Variants in CFAP299 observed in about 807,000 individuals in gnomAD.
CFAP299 encodes the protein cilia- and flagella-associated protein 299.
CFAP299 carries 21 observed loss-of-function variants against 27.0 expected under a neutral mutation model. That is an observed-to-expected ratio of 0.78 (90% confidence interval 0.55 to 1.12). The LOEUF is 1.12. Ranked by LOEUF, CFAP299 falls within the 50% of genes most tolerant of loss-of-function variation. The probability of loss-of-function intolerance (pLI) is 0.00; values close to 1 mark genes in which losing one functional copy is unlikely to be tolerated. For missense variants in CFAP299, 310 were observed against 276.6 expected (o/e 1.12, Z -0.86); for synonymous variants, 104 against 98.1 (o/e 1.06, Z -0.36).
chr4:80,863,424 C>T (rs1732504661), intron 3 of CFAP299, among the ~76,000 whole-genome samples: 1 of 152,114 alleles, frequency 6.6e-6, no homozygotes, highest in African/African-American at 2.4e-5. Flanking sequence ...TACTCTAATT[C>T]ATCTTTTTCC....
the CFAP299 span, among the ~76,000 whole-genome samples, chr4:80,329,291 T>C: frequency 9.3e-4 from 141 of 151,274 alleles, 1 homozygote; most frequent in African/African-American, 3.3e-3. Context: ...ATATCTCCAA[T>C]TTACTTAGTT....
chr4:80,414,569 G>T (rs1726907109), intron 2 of CFAP299, among the ~76,000 whole-genome samples: 1 of 152,166 alleles, frequency 6.6e-6, no homozygotes, highest in Non-Finnish European at 1.5e-5. Flanking sequence ...GATTTTCAAA[G>T]CGTTTTGTTG....
At chr4:80,806,402 T>C (rs964871387) in intron 3 of CFAP299, among the ~76,000 whole-genome samples, 2 of 152,188 alleles carry the variant, frequency 1.3e-5, no homozygotes, top group African/African-American at 4.8e-5. Context: ...CTTGGAGAGC[T>C]TGACAGTCAA....
chr4:80,662,503 G>A (rs1740905942), intron 3 of CFAP299, among the ~76,000 whole-genome samples: 1 of 152,084 alleles, frequency 6.6e-6, no homozygotes. Flanking sequence ...GGGGAGGTAA[G>A]TATTGTTATA....
chr4:80,540,887 C>A (rs1733966313), intron 2 of CFAP299, among the ~76,000 whole-genome samples: 2 of 152,204 alleles, frequency 1.3e-5, no homozygotes, highest in South Asian at 4.2e-4. Context: ...ATCTAACAAA[C>A]CCTTTCAACT....
chr4:80,770,675 A>G (rs1331442420), intron 3 of CFAP299, among the ~76,000 whole-genome samples: 4 of 152,198 alleles, frequency 2.6e-5, no homozygotes, highest in African/African-American at 9.7e-5. Flanking sequence ...CCTTTAAAAA[A>G]CTGTTTCTTT....
At chr4:80,813,842 G>A (rs959639905) in intron 3 of CFAP299, among the ~76,000 whole-genome samples, 14 of 151,602 alleles carry the variant, frequency 9.2e-5, no homozygotes, top group African/African-American at 3.4e-4. Context: ...TTATTATCCA[G>A]AAAAGGAAAA....
chr4:80,511,600 T>C (rs1403655886), intron 2 of CFAP299, among the ~76,000 whole-genome samples: 1 of 152,128 alleles, frequency 6.6e-6, no homozygotes, highest in Non-Finnish European at 1.5e-5. Flanking sequence ...ACAATGAAGG[T>C]AATGGCCATG....
At chr4:80,891,851 A>G (rs1419304492) in intron 4 of CFAP299, among the ~76,000 whole-genome samples, 1 of 131,390 alleles carries the variant, frequency 7.6e-6, no homozygotes, top group African/African-American at 3.1e-5. Flanking sequence ...AAAAAAAAAG[A>G]AATTGCAGAG....
chr4:80,932,612 GAAAAT>G (rs906848885), intron 4 of CFAP299, among the ~76,000 whole-genome samples: 56 of 152,024 alleles, frequency 3.7e-4, no homozygotes, highest in African/African-American at 1.2e-3. Context: ...TCCACAGCAG[GAAAAT>G]AAAATAAAAA....
intron 2 of CFAP299, among the ~76,000 whole-genome samples, chr4:80,390,659 A>ATATG (rs1578389487): frequency 4.4e-5 from 6 of 136,088 alleles, no homozygotes; most frequent in South Asian, 2.4e-4. Flanking sequence ...GTACACACAT[A>ATATG]TGTATATATG....
chr4:80,390,719 AC>A (rs1303268930), intron 2 of CFAP299, among the ~76,000 whole-genome samples: 1 of 145,016 alleles, frequency 6.9e-6, no homozygotes, highest in East Asian at 2.0e-4. Flanking sequence ...ATGTATACAC[AC>A]ATACATGTAT....
chr4:80,588,453 T>A lies in CFAP299; in HGVS notation c.333+5270T>A, dbSNP rs1373123538. ...GTAATCTTATGTAAGCAAAACATAATTTTATTTAGGTATTTAATCAATCAT... is the reference window on the plus strand; with the variant it reads ...GTAATCTTATGTAAGCAAAACATAAATTTATTTAGGTATTTAATCAATCAT... On this transcript the variant is annotated intron_variant, in intron 3 of 5. Coordinates refer to ENST00000358105, the MANE Select transcript of CFAP299 (RefSeq NM_152770.3). Among the ~76,000 whole-genome samples, 5 of 151,190 alleles carry A rather than the reference T, an allele frequency of 3.3e-5. No individual in the cohort carries two copies. The East Asian group carries it at 7.7e-4, about 23-fold the overall frequency.
intron 3 of CFAP299, among the ~76,000 whole-genome samples, chr4:80,674,003 G>A (rs1373273615): frequency 6.6e-6 from 1 of 151,822 alleles, no homozygotes; most frequent in African/African-American, 2.4e-5. Context: ...TTTTAATTGG[G>A]GCATTTAGCC....
intron 3 of CFAP299, among the ~76,000 whole-genome samples, chr4:80,636,523 G>A (rs12643210): frequency 0.86 from 131,237 of 152,192 alleles, 57,102 homozygotes; most frequent in East Asian, 0.97. Context: ...GAGATTGATA[G>A]CATCTGCCTA....
chr4:80,958,343 G>A (rs1251054351), intron 5 of CFAP299, among the ~76,000 whole-genome samples: 1 of 152,086 alleles, frequency 6.6e-6, no homozygotes, highest in Admixed American at 6.6e-5. Context: ...GACATTACGG[G>A]GAAGGCTTTG....
chr4:80,575,189 G>A (rs1481732616), intron 2 of CFAP299, among the ~76,000 whole-genome samples: 4 of 151,916 alleles, frequency 2.6e-5, no homozygotes, highest in African/African-American at 4.8e-5. Flanking sequence ...TTCAATTTTG[G>A]TAAGTTATAC....
chr4:80,943,787 G>A (rs1189251289), intron 4 of CFAP299, among the ~76,000 whole-genome samples: 1 of 152,048 alleles, frequency 6.6e-6, no homozygotes, highest in Non-Finnish European at 1.5e-5. Context: ...AAATAAAATG[G>A]GCTGGGCATA....
chr4:80,726,591 G>A (rs183702152), intron 3 of CFAP299, among the ~76,000 whole-genome samples: 119 of 151,606 alleles, frequency 7.8e-4, no homozygotes, highest in African/African-American at 2.6e-3. Flanking sequence ...TTTTTTTTCC[G>A]TACTTCACTG....
Sources: gnomAD v4.1 joint callset for allele counts (sites outside exome capture counted in the v4.1 genomes callset) on GRCh38, gnomAD v4.1.1 for gene constraint, MANE v1.5 for transcripts, NCBI Gene and HGNC (gene_info 2026-07-23, HGNC 2026-07-21) for gene names.